The following VEPH1 variants were observed in gnomAD, a reference collection of about 807,000 sequenced individuals.
VEPH1 encodes ventricular zone-expressed PH domain-containing protein homolog 1.
VEPH1 carries 80 observed loss-of-function variants against 85.2 expected under a neutral mutation model. That is an observed-to-expected ratio of 0.94 (90% confidence interval 0.78 to 1.13). The LOEUF (loss-of-function observed/expected upper bound fraction) is 1.13, where lower values mean the gene tolerates loss of function less well. Ranked by LOEUF, VEPH1 falls within the 50% of genes most tolerant of loss-of-function variation. The pLI, the probability that VEPH1 is intolerant of heterozygous loss-of-function variation, is 0.00. For missense variants in VEPH1, 955 were observed against 980.5 expected (o/e 0.97, Z 0.35); for synonymous variants, 297 against 348.0 (o/e 0.85, Z 1.63).
At chr3:157,292,762 T>A (rs1389314852) in intron 11 of VEPH1, among the ~76,000 whole-genome samples, 4 of 133,422 alleles carry the variant, frequency 3.0e-5, no homozygotes, top group Non-Finnish European at 6.2e-5. Context: ...GGTGGGTGGA[T>A]CACAAGGTCA....
chr3:157,483,123 TACACACACACACAC>T (rs60205276), intron 2 of VEPH1, among the ~76,000 whole-genome samples: 4 of 146,936 alleles, frequency 2.7e-5, no homozygotes, highest in African/African-American at 5.0e-5. Flanking sequence ...TTTAAAAGCA[TACACACACACACAC>T]ACACACACAC....
At chr3:157,265,739 A>G in intron 12 of VEPH1, 77 bp from the exon 13 acceptor site, 1 of 1,504,434 alleles carries the variant, frequency 6.6e-7, no homozygotes, top group East Asian at 2.3e-5. Flanking sequence ...TCAGAACTGT[A>G]CAGTGTACCA....
chr3:157,420,406 CTTCCTCTTCAATT>C (rs1485636486), intron 5 of VEPH1, among the ~76,000 whole-genome samples: 1 of 151,884 alleles, frequency 6.6e-6, no homozygotes, highest in Admixed American at 6.6e-5. Context: ...TGGGCACACA[CTTCCTCTTCAATT>C]AGTCTTCAGG....
At chr3:157,317,683 G>A (rs752452905) in intron 9 of VEPH1, among the ~76,000 whole-genome samples, 20 of 152,140 alleles carry the variant, frequency 1.3e-4, no homozygotes, top group Non-Finnish European at 2.4e-4. Flanking sequence ...GAACTGTACT[G>A]GTCGGGTTTG....
intron 4 of VEPH1, among the ~76,000 whole-genome samples, chr3:157,455,677 T>G (rs1300615576): frequency 1.3e-5 from 2 of 152,180 alleles, no homozygotes; most frequent in African/African-American, 4.8e-5. Flanking sequence ...ACATGCGGTA[T>G]TTGGTTTCCT....
At chr3:157,342,737 C>G (rs1186457647) in intron 9 of VEPH1, among the ~76,000 whole-genome samples, 1 of 152,206 alleles carries the variant, frequency 6.6e-6, no homozygotes, top group Non-Finnish European at 1.5e-5. Flanking sequence ...CTTCTCAGAA[C>G]CACATCACAC....
At chr3:157,266,604 T>C (rs1713683229) in intron 12 of VEPH1, among the ~76,000 whole-genome samples, 1 of 152,198 alleles carries the variant, frequency 6.6e-6, no homozygotes, top group Non-Finnish European at 1.5e-5. Flanking sequence ...GCCTGGCAAA[T>C]AGTAGGAAGT....
At chr3:157,347,596 GGGA>G (rs1559979896) in intron 9 of VEPH1, among the ~76,000 whole-genome samples, 1 of 152,206 alleles carries the variant, frequency 6.6e-6, no homozygotes, top group African/African-American at 2.4e-5. Flanking sequence ...AGTGCAGCGG[GGGA>G]GTAGAGATGC....
chr3:157,463,582 G>T (rs1736081010), intron 3 of VEPH1, among the ~76,000 whole-genome samples: 1 of 152,156 alleles, frequency 6.6e-6, no homozygotes, highest in South Asian at 2.1e-4. Flanking sequence ...AGACCTCTCT[G>T]AGAGGCTGGC....
chr3:157,292,669 G>A (rs763673950), intron 11 of VEPH1, among the ~76,000 whole-genome samples: 1 of 151,378 alleles, frequency 6.6e-6, no homozygotes, highest in Non-Finnish European at 1.5e-5. Flanking sequence ...TGCAGTCTGG[G>A]CAACAGAGTG....
At chr3:157,346,449 C>T (rs531279511) in intron 9 of VEPH1, among the ~76,000 whole-genome samples, 1 of 152,058 alleles carries the variant, frequency 6.6e-6, no homozygotes, top group Non-Finnish European at 1.5e-5. Flanking sequence ...TTTGAAAGAC[C>T]AGTTTCTAAG....
intron 11 of VEPH1, among the ~76,000 whole-genome samples, chr3:157,306,110 C>A (rs575598290): frequency 6.6e-6 from 1 of 152,226 alleles, no homozygotes; most frequent in African/African-American, 2.4e-5. Flanking sequence ...CTACAAAAGA[C>A]ACTTTAACAA....
chr3:157,376,228 T>A (rs551874235), intron 7 of VEPH1, among the ~76,000 whole-genome samples: 1 of 152,160 alleles, frequency 6.6e-6, no homozygotes, highest in African/African-American at 2.4e-5. Flanking sequence ...GTGCCTAACC[T>A]CCTACTAAGA....
intron 11 of VEPH1, among the ~76,000 whole-genome samples, chr3:157,293,758 C>T (rs1178544782): frequency 6.6e-6 from 1 of 152,136 alleles, no homozygotes; most frequent in African/African-American, 2.4e-5. Flanking sequence ...TTGCATGAAG[C>T]TATATAACAA....
intron 6 of VEPH1, among the ~76,000 whole-genome samples, chr3:157,398,090 G>A (rs1245059340): frequency 6.6e-6 from 1 of 152,194 alleles, no homozygotes; most frequent in Non-Finnish European, 1.5e-5. Context: ...GGTAGCAGGA[G>A]TGGAGACCAT....
chr3:157,462,213 C>T (rs1381574055), intron 3 of VEPH1, among the ~76,000 whole-genome samples: 1 of 151,664 alleles, frequency 6.6e-6, no homozygotes, highest in East Asian at 1.9e-4. Context: ...AAAATATGCT[C>T]AATTTCATTA....
At chr3:157,274,480 ACT>A (rs1715123933) in intron 12 of VEPH1, among the ~76,000 whole-genome samples, 2 of 151,910 alleles carry the variant, frequency 1.3e-5, no homozygotes, top group South Asian at 4.2e-4. Flanking sequence ...TGGAAGGTGA[ACT>A]CTCTGTCTCT....
At chr3:157,392,323 G>A (rs1244017050) in intron 6 of VEPH1, among the ~76,000 whole-genome samples, 1 of 152,176 alleles carries the variant, frequency 6.6e-6, no homozygotes, top group Admixed American at 6.5e-5. Context: ...GGCAAAGAGA[G>A]AGCACGTATG....
intron 11 of VEPH1, 51 bp downstream of exon 11, chr3:157,313,570 A>G (rs1244240749): frequency 1.3e-6 from 2 of 1,579,076 alleles, no homozygotes; most frequent in African/African-American, 2.7e-5. Flanking sequence ...AACTGTTTCA[A>G]GACAATCTTA....
Sources: gnomAD v4.1 joint callset for allele counts (sites outside exome capture counted in the v4.1 genomes callset) on GRCh38, gnomAD v4.1.1 for gene constraint, MANE v1.5 for transcripts, NCBI Gene and HGNC (gene_info 2026-07-23, HGNC 2026-07-21) for gene names.